The following BACE2 variants were observed in gnomAD, a reference collection of about 807,000 sequenced individuals.
BACE2 encodes beta-secretase 2.
Under a neutral mutation model 46.2 loss-of-function variants are expected in BACE2, and 17 were observed. The ratio of observed to expected loss-of-function variants is 0.37; its 90% CI spans 0.25 to 0.55. The LOEUF (loss-of-function observed/expected upper bound fraction) is 0.55, where lower values mean the gene tolerates loss of function less well. Ranked by LOEUF, BACE2 falls within the 20% of genes least tolerant of loss-of-function variation. BACE2 has a pLI of 0.82. For synonymous variants in BACE2, 277 were observed against 295.9 expected (o/e 0.94, Z 0.66); for missense variants, 595 against 698.1 (o/e 0.85, Z 1.66).
intron 1 of BACE2, among the ~76,000 whole-genome samples, chr21:41,174,200 T>G (rs1984720641): frequency 7.0e-6 from 1 of 142,268 alleles, no homozygotes; most frequent in South Asian, 2.4e-4. Context: ...TGGAGTACAG[T>G]GGCCTGATCT....
chr21:41,203,873 G>C (rs187294864), intron 1 of BACE2, among the ~76,000 whole-genome samples: 9 of 152,312 alleles, frequency 5.9e-5, no homozygotes, highest in Admixed American at 3.3e-4. Flanking sequence ...CCCTCAGCAG[G>C]TCAGCCGTGG....
chr21:41,185,844 C>T (rs772364308), intron 1 of BACE2, among the ~76,000 whole-genome samples: 3 of 152,186 alleles, frequency 2.0e-5, no homozygotes, highest in Non-Finnish European at 2.9e-5. Flanking sequence ...AACGTGACAA[C>T]GTGACTCTGG....
At chr21:41,200,157 T>C (rs1985910646) in intron 1 of BACE2, among the ~76,000 whole-genome samples, 1 of 151,040 alleles carries the variant, frequency 6.6e-6, no homozygotes, top group South Asian at 2.1e-4. Flanking sequence ...ACCTGCACAT[T>C]GTGCACATGT....
chr21:41,200,246 A>G (rs899192026), intron 1 of BACE2, among the ~76,000 whole-genome samples: 38 of 152,212 alleles, frequency 2.5e-4, no homozygotes, highest in African/African-American at 9.1e-4. Context: ...CTGGAGTAGA[A>G]TTCTCTTTCT....
At chr21:41,171,873 A>G (rs900869852) in intron 1 of BACE2, among the ~76,000 whole-genome samples, 3 of 152,224 alleles carry the variant, frequency 2.0e-5, no homozygotes, top group African/African-American at 7.2e-5. Flanking sequence ...GTAAAGGGCC[A>G]CCTAATTATT....
chr21:41,268,841 T>C (rs2088404991), intron 8 of BACE2, among the ~76,000 whole-genome samples: 2 of 152,178 alleles, frequency 1.3e-5, no homozygotes, highest in South Asian at 4.1e-4. Flanking sequence ...ACAGCACATA[T>C]GAAAAAATGG....
chr21:41,275,320 A>G (rs770516842), intron 8 of BACE2, 51 bp from the exon 9 acceptor site: 1 of 1,609,076 alleles, frequency 6.2e-7, no homozygotes, highest in Non-Finnish European at 8.5e-7. Flanking sequence ...CCAATGTGAG[A>G]GGTGGACCGC....
At chr21:41,237,926 C>T (rs73366455) in intron 3 of BACE2, among the ~76,000 whole-genome samples, 197 bp downstream of exon 3, 161 of 152,344 alleles carry the variant, frequency 1.1e-3, no homozygotes, top group African/African-American at 3.8e-3. Flanking sequence ...ATTCTTGGAA[C>T]CTTCCTGTAA....
intron 8 of BACE2, among the ~76,000 whole-genome samples, chr21:41,259,913 G>C (rs994664773): frequency 1.3e-5 from 2 of 151,650 alleles, no homozygotes; most frequent in Admixed American, 6.6e-5. Context: ...GCTCACTTTA[G>C]CCCAACCTCC....
At chr21:41,229,237 G>A (rs1020849427) in intron 2 of BACE2, among the ~76,000 whole-genome samples, 1 of 152,166 alleles carries the variant, frequency 6.6e-6, no homozygotes, top group African/African-American at 2.4e-5. Flanking sequence ...CCCTCACTGG[G>A]GCTCAGCACA....
At chr21:41,180,832 C>G (rs1444779369) in intron 1 of BACE2, 3 of 167,112 alleles carry the variant, frequency 1.8e-5, no homozygotes, top group Non-Finnish European at 4.4e-5. Flanking sequence ...AATAACTGCA[C>G]AAGACCCCAC....
intron 8 of BACE2, among the ~76,000 whole-genome samples, chr21:41,264,208 G>T (rs1423979260): frequency 6.6e-6 from 1 of 151,008 alleles, no homozygotes; most frequent in Non-Finnish European, 1.5e-5. Flanking sequence ...TCTTTGGTTT[G>T]GGGGTCTTTT....
At chr21:41,243,317 A>C in intron 4 of BACE2, 59 bp from the exon 5 acceptor site, 4 of 1,427,956 alleles carry the variant, frequency 2.8e-6, no homozygotes, top group Non-Finnish European at 3.8e-6. Context: ...TTCTCTGTGT[A>C]ACCTGTTGAT....
Position 41,278,929 on chromosome 21 carries a change from G to C in BACE2, c.*3305G>C, listed in dbSNP as rs949542985. 3.3e-5 allele frequency: 5 copies of C among 152,136 alleles called. No homozygotes were observed. The highest frequency in any genetic ancestry group is 1.2e-4 in the African/African-American group (5 of 41,426). 9.4% of individuals were successfully genotyped at this position (152,136 alleles called of 1,614,324 possible). The stretch of plus-strand genomic sequence containing the variant: ...TCCTGATTAGTGGAAATCAAATAAT[G>C]GAGTGGAATCCCCATGTGTTTTCTC... On this transcript the variant is annotated 3_prime_UTR_variant, in exon 9 of 9. Transcript: ENST00000330333.
At chr21:41,261,072 A>C (rs957821474) in intron 8 of BACE2, among the ~76,000 whole-genome samples, 2 of 152,096 alleles carry the variant, frequency 1.3e-5, no homozygotes, top group Non-Finnish European at 2.9e-5. Flanking sequence ...TTTTATCTTA[A>C]TTAACATTTG....
Position 41,250,533 on chromosome 21 carries a change from T to C in BACE2, c.985-219T>C, listed in dbSNP as rs573742438. The stretch of plus-strand genomic sequence containing the variant: ...AAGGGCTTATAAGGGTGTCTAATAC[T>C]AGTACTAGTAGGTACTTCATGTGTC... On this transcript the variant is annotated intron_variant, in intron 6 of 8. Coordinates refer to ENST00000330333, the MANE Select transcript of BACE2 (RefSeq NM_012105.5). Among the ~76,000 whole-genome samples the C allele has an allele frequency of 2.0e-5, 3 of 152,338 alleles. No individual in the cohort carries two copies. The South Asian group carries it at 6.2e-4, about 32-fold the overall frequency.
At position 41,280,082 on chromosome 21, in the gene BACE2, C is replaced by T. The variant is rs574702764; in HGVS notation, c.*4458C>T. 1 of 152,306 alleles carries T rather than the reference C, an allele frequency of 6.6e-6. No homozygotes were observed. Among genetic ancestry groups the T allele is most frequent in the Non-Finnish European group, 1.5e-5 (1 of 68,098 alleles). The allele number at this position is 152,306 out of a possible 1,614,324, so 9.4% of individuals were successfully genotyped here. The stretch of plus-strand genomic sequence containing the variant: ...AGAGGAACAATTAGGCCAAGAGAAA[C>T]TTGCTTGACAGCCATGTGTAAAACA... On this transcript the variant is annotated 3_prime_UTR_variant, in exon 9 of 9. Transcript: ENST00000330333.
Position 41,250,814 on chromosome 21 carries a change from A to AACACC in BACE2, c.1048_1052dup (p.Trp352HisfsTer13), listed in dbSNP as rs1308930851. On this transcript the variant is annotated frameshift_variant, in exon 7 of 9. Transcript: ENST00000330333. LOFTEE classifies it high-confidence loss of function. The stretch of plus-strand genomic sequence containing the variant: ...AGCTGGCGTGCTGGACGAATTCGGA[A>AACACC]ACACCTTGGTCTTACTTCCCTAAAA... 6.2e-7 allele frequency: 1 copy of AACACC among 1,614,148 alleles called. No individual in the cohort carries two copies. The highest frequency in any genetic ancestry group is 8.5e-7 in the Non-Finnish European group (1 of 1,180,020).
At chr21:41,252,314 CTTT>C (rs1987665043) in intron 7 of BACE2, among the ~76,000 whole-genome samples, 6 of 152,182 alleles carry the variant, frequency 3.9e-5, no homozygotes, top group Non-Finnish European at 7.3e-5. Context: ...GTCTCCTAAC[CTTT>C]GTTCCACCAA....
Sources: allele counts gnomAD v4.1 joint callset (sites outside exome capture counted in the v4.1 genomes callset), GRCh38; gene constraint gnomAD v4.1.1; transcripts MANE v1.5; gene names NCBI Gene and HGNC (gene_info 2026-07-23, HGNC 2026-07-21).